CSMD1: variants seen among roughly 807,000 people sequenced by gnomAD.
CSMD1 encodes the protein CUB and sushi domain-containing protein 1.
In CSMD1, 213 loss-of-function variants were observed where a neutral mutation model predicts 417.5. The observed-to-expected ratio is 0.51, with a 90% CI of 0.46 to 0.57. The LOEUF (loss-of-function observed/expected upper bound fraction) is 0.57. Ranked by LOEUF, CSMD1 falls within the 20% of genes least tolerant of loss-of-function variation. The pLI is 0.00. For missense variants in CSMD1, 6,923 were observed against 4,529.7 expected, an observed-to-expected ratio of 1.53 and a Z score of -15.17; for synonymous variants, 2,862 against 1,736.8, an observed-to-expected ratio of 1.65 and a Z score of -16.11.
chr8:3,677,025 G>A (rs1373213522), intron 7 of CSMD1, among the ~76,000 whole-genome samples: 1 of 152,012 alleles, frequency 6.6e-6, no homozygotes, highest in Non-Finnish European at 1.5e-5. Flanking sequence ...CAAGGGGAGG[G>A]AGAGCATTAG....
At chr8:3,230,615 C>T (rs1798779501) in intron 26 of CSMD1, among the ~76,000 whole-genome samples, 1 of 152,104 alleles carries the variant, frequency 6.6e-6, no homozygotes, top group Non-Finnish European at 1.5e-5. Flanking sequence ...ACACCAACCT[C>T]AAGGAAAACA....
At chr8:4,080,343 G>A (rs11781691) in intron 3 of CSMD1, among the ~76,000 whole-genome samples, 1 of 150,720 alleles carries the variant, frequency 6.6e-6, no homozygotes, top group Non-Finnish European at 1.5e-5. Context: ...CTTCACAAGT[G>A]AAAGGTGAAG....
intron 5 of CSMD1, among the ~76,000 whole-genome samples, chr8:3,907,355 A>T (rs1043080266): frequency 6.6e-6 from 1 of 152,194 alleles, no homozygotes; most frequent in Non-Finnish European, 1.5e-5. Flanking sequence ...GAAAAAACAA[A>T]TAAGTTCAAT....
intron 21 of CSMD1, among the ~76,000 whole-genome samples, chr8:3,356,991 G>T (rs34352976): frequency 0.21 from 31,508 of 151,884 alleles, 4,061 homozygotes; most frequent in South Asian, 0.31. Flanking sequence ...GGTTGGTGGG[G>T]TCTGGGGAGC....
At chr8:2,988,880 T>C (rs1354333165) in intron 54 of CSMD1, among the ~76,000 whole-genome samples, 1 of 152,106 alleles carries the variant, frequency 6.6e-6, no homozygotes, top group African/African-American at 2.4e-5. Context: ...GAGGTGGATG[T>C]TGTAGAAATC....
rs760422834 is a variant in CSMD1, at chr8:3,230,178, A to G, written c.4207T>C (p.Tyr1403His). 6.2e-7 allele frequency: 1 copy of G among 1,612,424 alleles called. No individual in the cohort carries two copies. The highest frequency in any genetic ancestry group is 8.5e-7 in the Non-Finnish European group (1 of 1,179,218). Residue 1403 changes from tyrosine to histidine, a missense_variant, in exon 27 of 70, where the codon TAT becomes CAT. By Grantham distance (83) the Tyr-to-His change is moderately conservative. Transcript: ENST00000635120. The stretch of plus-strand genomic sequence containing the variant: ...TCTCCAGCCTCTCTGCTGTCTCCAT[A>G]GCGGGTGCCATTTTGGGGCATACCT... ...DPGMPQNGTR[Y>H]GDSREAGDTV...
At chr8:3,525,501 G>A (rs1005132097) in intron 10 of CSMD1, among the ~76,000 whole-genome samples, 8 of 152,104 alleles carry the variant, frequency 5.3e-5, no homozygotes, top group African/African-American at 9.7e-5. Flanking sequence ...GATAAGAAAC[G>A]CAGTACCCTG....
At chr8:3,644,775 G>A (rs997072451) in intron 7 of CSMD1, among the ~76,000 whole-genome samples, 1 of 151,960 alleles carries the variant, frequency 6.6e-6, no homozygotes, top group Non-Finnish European at 1.5e-5. Context: ...ACAATCGCTT[G>A]TAGAAAGCGT....
chr8:4,116,263 G>C (rs867577180), intron 3 of CSMD1, among the ~76,000 whole-genome samples: 4 of 151,996 alleles, frequency 2.6e-5, no homozygotes, highest in South Asian at 2.1e-4. Flanking sequence ...CACAGTGCTG[G>C]GATTACAAGT....
Position 2,995,115 on chromosome 8 carries a change from C to G in CSMD1, c.8377+2896G>C, listed in dbSNP as rs936982455. 1.3e-5 allele frequency among the ~76,000 whole-genome samples: 2 copies of G among 152,132 alleles called. 1 individual carries two copies. ...AAGAGGATGAAAGTCAAACGAGAGACTGGGAAAAATTCTGCGAATCATATA... is the reference window on the plus strand; with the variant it reads ...AAGAGGATGAAAGTCAAACGAGAGAGTGGGAAAAATTCTGCGAATCATATA... On this transcript the variant is annotated intron_variant, in intron 54 of 69. Coordinates refer to ENST00000635120, the MANE Select transcript of CSMD1 (RefSeq NM_033225.6).
chr8:4,363,647 C>A (rs572485318), intron 3 of CSMD1, among the ~76,000 whole-genome samples: 1 of 152,320 alleles, frequency 6.6e-6, no homozygotes, highest in African/African-American at 2.4e-5. Flanking sequence ...GGACATACAA[C>A]TGGCAGGCAG....
At chr8:4,191,804 C>T (rs1799048635) in intron 3 of CSMD1, among the ~76,000 whole-genome samples, 1 of 149,954 alleles carries the variant, frequency 6.7e-6, no homozygotes, top group African/African-American at 2.4e-5. Context: ...GAATTGACTT[C>T]ATCTCCTATC....
intron 2 of CSMD1, among the ~76,000 whole-genome samples, chr8:4,592,530 G>A (rs1171966080): frequency 6.6e-6 from 1 of 151,774 alleles, no homozygotes; most frequent in Non-Finnish European, 1.5e-5. Flanking sequence ...AGAACTACAG[G>A]GGCCGGCCAC....
intron 4 of CSMD1, among the ~76,000 whole-genome samples, chr8:4,020,762 C>T (rs1008375134): frequency 6.6e-6 from 1 of 152,228 alleles, no homozygotes; most frequent in African/African-American, 2.4e-5. Context: ...GTCATTACTT[C>T]CAACCTTGAG....
intron 50 of CSMD1, among the ~76,000 whole-genome samples, chr8:3,036,845 T>A (rs1295346037): frequency 6.6e-6 from 1 of 152,160 alleles, no homozygotes; most frequent in Non-Finnish European, 1.5e-5. Context: ...CAATAGCTTT[T>A]TGGGGTACAA....
chr8:3,711,284 A>G (rs9942729), intron 6 of CSMD1, among the ~76,000 whole-genome samples: 147,944 of 152,134 alleles, frequency 0.97, 72,049 homozygotes, highest in East Asian at 1. Flanking sequence ...AGCCATGAAT[A>G]GACCACAGGG....
At chr8:4,140,063 A>G (rs1455390598) in intron 3 of CSMD1, among the ~76,000 whole-genome samples, 2 of 151,020 alleles carry the variant, frequency 1.3e-5, no homozygotes, top group African/African-American at 2.5e-5. Flanking sequence ...TATTAAAAAT[A>G]AGACAATAGC....
chr8:3,817,159 G>C (rs994221467), intron 5 of CSMD1, among the ~76,000 whole-genome samples: 3 of 146,756 alleles, frequency 2.0e-5, no homozygotes, highest in Non-Finnish European at 4.5e-5. Context: ...TCCTCGAGTA[G>C]AAAGAGACGA....
chr8:4,172,642 G>A (rs898925527), intron 3 of CSMD1, among the ~76,000 whole-genome samples: 4 of 152,092 alleles, frequency 2.6e-5, no homozygotes, highest in Non-Finnish European at 5.9e-5. Flanking sequence ...ATGAACTCCT[G>A]CGGTCCTCCC....
Sources: allele counts gnomAD v4.1 joint callset (sites outside exome capture counted in the v4.1 genomes callset), GRCh38; gene constraint gnomAD v4.1.1; transcripts MANE v1.5; gene names NCBI Gene and HGNC (gene_info 2026-07-23, HGNC 2026-07-21).